FNDC3B: variants seen among roughly 807,000 people sequenced by gnomAD.
FNDC3B encodes fibronectin type III domain-containing protein 3B.
In FNDC3B, 12 loss-of-function variants were observed where a neutral mutation model predicts 151.5. That is an observed-to-expected ratio of 0.08 (90% CI 0.05 to 0.13). FNDC3B has a LOEUF of 0.13. FNDC3B is among the 10% of genes least tolerant of loss of function. The probability of loss-of-function intolerance (pLI) is 1.00; values close to 1 mark genes in which losing one functional copy is unlikely to be tolerated. For missense variants in FNDC3B, 1,214 were observed against 1,505.3 expected, an observed-to-expected ratio of 0.81 and a Z score of 3.20; for synonymous variants, 528 against 549.0, an observed-to-expected ratio of 0.96 and a Z score of 0.54.
chr3:172,213,336 C>T (rs960666885), intron 3 of FNDC3B, among the ~76,000 whole-genome samples: 2 of 152,212 alleles, frequency 1.3e-5, no homozygotes, highest in Non-Finnish European at 2.9e-5. Flanking sequence ...GCCATGTGAG[C>T]ATACGCACAT....
At chr3:172,066,147 A>C (rs1717485478) in intron 1 of FNDC3B, among the ~76,000 whole-genome samples, 1 of 152,272 alleles carries the variant, frequency 6.6e-6, no homozygotes, top group East Asian at 1.9e-4. Context: ...ACTGTTATTT[A>C]GTAGCTTACC....
intron 23 of FNDC3B, among the ~76,000 whole-genome samples, chr3:172,367,798 G>C (rs1734704423): frequency 6.6e-6 from 1 of 152,218 alleles, no homozygotes; most frequent in African/African-American, 2.4e-5. Context: ...TTAATCTGTT[G>C]TTGAGGTTTA....
chr3:172,280,487 G>C (rs918946885), intron 6 of FNDC3B, among the ~76,000 whole-genome samples: 34 of 152,202 alleles, frequency 2.2e-4, no homozygotes, highest in Admixed American at 1.8e-3. Context: ...TTGTTAAAGA[G>C]AGTAGCTATG....
At chr3:172,308,298 C>G (rs936538624) in intron 10 of FNDC3B, among the ~76,000 whole-genome samples, 1 of 152,224 alleles carries the variant, frequency 6.6e-6, no homozygotes, top group Non-Finnish European at 1.5e-5. Flanking sequence ...AGAGGCATCA[C>G]TAGCTTGTTA....
At chr3:172,335,259 G>A (rs1253060769) in intron 15 of FNDC3B, 177 bp downstream of exon 15, 1 of 485,530 alleles carries the variant, frequency 2.1e-6, no homozygotes, top group Non-Finnish European at 3.5e-6. Context: ...AATTGGAATG[G>A]ACAATTTCAT....
intron 19 of FNDC3B, among the ~76,000 whole-genome samples, chr3:172,345,285 G>A (rs977039944): frequency 1.2e-3 from 181 of 152,240 alleles, no homozygotes; most frequent in African/African-American, 4.1e-3. Context: ...TCATGTAAGC[G>A]AAAAGAAGAT....
Position 172,141,394 on chromosome 3 carries a change from T to C in FNDC3B, c.187+7848T>C, listed in dbSNP as rs565404476. On this transcript the variant is annotated intron_variant, in intron 3 of 25. Transcript: ENST00000415807. The stretch of plus-strand genomic sequence containing the variant: ...CATGAATTTAAAGTAAATTTTGTTG[T>C]AGATTTTTAGTTGTTGGTTTTCTTT... Among the ~76,000 whole-genome samples the C allele has an allele frequency of 2.1e-3, 322 of 152,346 alleles. 3 individuals carry two copies. The highest frequency in any genetic ancestry group is 7.5e-3 in the African/African-American group (313 of 41,574).
intron 1 of FNDC3B, chr3:172,046,914 G>T (rs1030292103): frequency 1.3e-5 from 2 of 152,188 alleles, no homozygotes; most frequent in African/African-American, 4.8e-5. Flanking sequence ...ATAGAGAACA[G>T]TGTCTACCAC....
chr3:172,336,394 G>A (rs1479970530), intron 15 of FNDC3B, among the ~76,000 whole-genome samples: 6 of 152,130 alleles, frequency 3.9e-5, no homozygotes, highest in African/African-American at 1.4e-4. Flanking sequence ...TAGGGCTCTA[G>A]TCATAAGCCA....
intron 1 of FNDC3B, among the ~76,000 whole-genome samples, chr3:172,043,229 A>T (rs1716182764): frequency 6.6e-6 from 1 of 152,140 alleles, no homozygotes; most frequent in Non-Finnish European, 1.5e-5. Flanking sequence ...AGTTTTATTT[A>T]CTTGTAATTA....
chr3:172,167,337 A>G (rs541231652), intron 3 of FNDC3B, among the ~76,000 whole-genome samples: 1 of 152,334 alleles, frequency 6.6e-6, no homozygotes, highest in East Asian at 1.9e-4. Context: ...CAGAGGTTGC[A>G]GTGAGCCAAG....
chr3:172,040,530 C>T lies in FNDC3B; in HGVS notation c.-29+759C>T, dbSNP rs1715979490. The T allele has an allele frequency of 6.6e-6, 1 of 151,812 alleles. No homozygotes were observed. Among genetic ancestry groups the T allele is most frequent in the Admixed American group, 6.6e-5 (1 of 15,232 alleles). The allele number at this position is 151,812 out of a possible 1,614,324, so 9.4% of individuals were successfully genotyped here. A position where few individuals can be genotyped will look rare whatever the true frequency, so the allele number is the denominator to read the frequency against. ...GGGGGCGGTAACCGGCGGCCGCGGC[C>T]GGACTTGGCGAGCCGGCGGCTGGAA... On this transcript the variant is annotated intron_variant, in intron 1 of 25. Transcript: ENST00000415807. This position sits in a 1 kb window ranked among gnomAD's most constrained non-coding sequence, Gnocchi z 6.6.
chr3:172,107,379 T>C (rs1285171581), intron 1 of FNDC3B, among the ~76,000 whole-genome samples: 2 of 152,130 alleles, frequency 1.3e-5, no homozygotes, highest in African/African-American at 4.8e-5. Flanking sequence ...TACTTTCTGT[T>C]TTTTTTTCTT....
At chr3:172,205,648 T>C (rs1725387649) in intron 3 of FNDC3B, among the ~76,000 whole-genome samples, 1 of 152,198 alleles carries the variant, frequency 6.6e-6, no homozygotes, top group Non-Finnish European at 1.5e-5. Context: ...CTTGTAGAGT[T>C]TTCTATTTAT....
chr3:172,184,680 G>A lies in FNDC3B; in HGVS notation c.188-42191G>A, dbSNP rs149059463. 1.4e-3 allele frequency among the ~76,000 whole-genome samples: 217 copies of A among 152,268 alleles called. 1 individual carries two copies. The highest frequency in any genetic ancestry group is 5.0e-3 in the African/African-American group (206 of 41,552). ...TCATCCAGGAGGGACATGTGAAGGA[G>A]GTTAAGATTTAAATGTTGGAAACAC... On this transcript the variant is annotated intron_variant, in intron 3 of 25. Coordinates refer to ENST00000415807, the MANE Select transcript of FNDC3B (RefSeq NM_022763.4).
chr3:172,251,343 C>G lies in FNDC3B; in HGVS notation c.592C>G (p.Arg198Gly). The stretch of plus-strand genomic sequence containing the variant: ...GCCTCCGCACAAAAAACTGAAAGAC[C>G]GCCAGATCGATCGCCAGAACCGCCT... ...SKPPHKKLKD[R>G]QIDRQNRLNS... Residue 198 changes from arginine to glycine, a missense_variant, in exon 6 of 26, where the codon CGC (arginine) becomes GGC (glycine). Arg to Gly is a moderately radical substitution (Grantham distance 125). Around this residue, in one of 7 missense-constraint regions of FNDC3B, gnomAD observed 166 missense variants for 173.2 expected, o/e 0.96. Coordinates refer to ENST00000415807, the MANE Select transcript of FNDC3B (RefSeq NM_022763.4). 1 of 1,613,998 alleles carries G rather than the reference C, an allele frequency of 6.2e-7. No individual in the cohort carries two copies. Among genetic ancestry groups the G allele is most frequent in the Non-Finnish European group, 8.5e-7 (1 of 1,179,984 alleles).
At chr3:172,178,136 C>T (rs1169172464) in intron 3 of FNDC3B, among the ~76,000 whole-genome samples, 1 of 152,078 alleles carries the variant, frequency 6.6e-6, no homozygotes. Flanking sequence ...AGAAATTGAA[C>T]ACTGGCCTGT....
chr3:172,156,639 A>G (rs1358671478), intron 3 of FNDC3B, among the ~76,000 whole-genome samples: 6 of 151,970 alleles, frequency 3.9e-5, no homozygotes, highest in Non-Finnish European at 8.8e-5. Flanking sequence ...TGAACCTGGA[A>G]AACCTAACCA....
intron 3 of FNDC3B, among the ~76,000 whole-genome samples, chr3:172,225,044 A>T (rs1221286115): frequency 6.6e-6 from 1 of 152,212 alleles, no homozygotes. Flanking sequence ...TTAACTCAAA[A>T]CTATGTCTTG....
Sources: gnomAD v4.1 joint callset for allele counts (sites outside exome capture counted in the v4.1 genomes callset) on GRCh38, gnomAD v4.1.1 for gene constraint, gnomAD v4.1.1 regional missense constraint, Gnocchi (gnomAD v3.1) non-coding constraint, MANE v1.5 for transcripts, NCBI Gene and HGNC (gene_info 2026-07-23, HGNC 2026-07-21) for gene names.